The following CA10 variants were observed in gnomAD, a reference collection of about 807,000 sequenced individuals.
The protein encoded by CA10 is carbonic anhydrase 10 (inactive).
A neutral mutation model predicts 44.2 loss-of-function variants in CA10; 14 were observed. The observed-to-expected ratio is 0.32, with a 90% confidence interval of 0.21 to 0.50. The LOEUF (loss-of-function observed/expected upper bound fraction) is 0.50, where lower values mean the gene tolerates loss of function less well. Ranked by LOEUF, CA10 falls within the 20% of genes least tolerant of loss-of-function variation. The probability of loss-of-function intolerance (pLI) is 0.99; values close to 1 mark genes in which losing one functional copy is unlikely to be tolerated. For missense variants in CA10, 350 were observed against 409.7 expected (o/e 0.85, Z 1.26); for synonymous variants, 159 against 141.6 (o/e 1.12, Z -0.87).
chr17:52,115,073 C>G (rs1162477373), intron 1 of CA10, among the ~76,000 whole-genome samples: 1 of 152,164 alleles, frequency 6.6e-6, no homozygotes, highest in East Asian at 1.9e-4. Context: ...CTGGGCATGC[C>G]CACATGCACT....
At chr17:51,735,690 A>G (rs1223424706) in intron 4 of CA10, among the ~76,000 whole-genome samples, 2 of 152,200 alleles carry the variant, frequency 1.3e-5, no homozygotes, top group Non-Finnish European at 2.9e-5. Flanking sequence ...CCCTTAATCC[A>G]TAAAACTACT....
At chr17:51,893,261 C>T (rs745851027) in intron 3 of CA10, among the ~76,000 whole-genome samples, 2 of 152,010 alleles carry the variant, frequency 1.3e-5, no homozygotes, top group Non-Finnish European at 2.9e-5. Flanking sequence ...ATTGTCTGTA[C>T]GGATGTTGGA....
rs573308134 is a variant in CA10, at chr17:51,928,390, C to T, written c.279+2600G>A. ...GAGAAGGAATAACTATTATTCCTTGCTATTCTTGTACTGAGGTTGAATTTT... is the reference window on the plus strand; with the variant it reads ...GAGAAGGAATAACTATTATTCCTTGTTATTCTTGTACTGAGGTTGAATTTT... On this transcript the variant is annotated intron_variant, in intron 3 of 8. Coordinates refer to ENST00000451037, the MANE Select transcript of CA10 (RefSeq NM_020178.5). Among the ~76,000 whole-genome samples, 190 of 152,168 alleles carry T rather than the reference C, an allele frequency of 1.2e-3. 5 individuals carry two copies. In the South Asian group the frequency reaches 0.022, roughly 18 times the overall value.
intron 2 of CA10, among the ~76,000 whole-genome samples, chr17:52,062,773 T>C (rs1015133277): frequency 4.6e-5 from 7 of 152,186 alleles, no homozygotes; most frequent in African/African-American, 1.7e-4. Flanking sequence ...TCAGAGGATG[T>C]ATTGGAAAGC....
intron 2 of CA10, among the ~76,000 whole-genome samples, chr17:52,064,248 C>G (rs578133655): frequency 1.2e-4 from 19 of 152,154 alleles, no homozygotes; most frequent in Non-Finnish European, 2.8e-4. Context: ...GAGAATGCAG[C>G]CAGAATGACA....
chr17:51,799,651 T>G lies in CA10; in HGVS notation c.280-51833A>C, dbSNP rs140425755. On this transcript the variant is annotated intron_variant, in intron 3 of 8. Transcript: ENST00000451037. ...TAAATAATTAGGGCCTTTGATGAAA[T>G]AAGTCTCTTACATGACTAGACTAGG... Among the ~76,000 whole-genome samples, 1,394 of 152,290 alleles carry G rather than the reference T, an allele frequency of 9.2e-3. 12 individuals are homozygous for G. Among genetic ancestry groups the G allele is most frequent in the Non-Finnish European group, 0.015 (1,021 of 68,020 alleles).
chr17:51,631,714 T>G (rs1912589211), intron 8 of CA10, 108 bp from the exon 9 acceptor site: 2 of 946,600 alleles, frequency 2.1e-6, no homozygotes, highest in African/African-American at 3.3e-5. Context: ...GGGAAGGGAC[T>G]GTTTTGTAAA....
rs149140106 is a variant in CA10, at chr17:51,872,079, T to C, written c.279+58911A>G. Among the ~76,000 whole-genome samples the C allele has an allele frequency of 3.5e-4, 54 of 152,312 alleles. No homozygotes were observed. The East Asian group carries it at 7.3e-3, about 21-fold the overall frequency. ...TATTGGTAAAGAAATGGGAAAAGCA[T>C]ACCCAGGTAAGAAACAGCACGTTAA... On this transcript the variant is annotated intron_variant, in intron 3 of 8. Transcript: ENST00000451037.
At chr17:51,674,196 C>T (rs1165010996) in intron 4 of CA10, among the ~76,000 whole-genome samples, 2 of 152,184 alleles carry the variant, frequency 1.3e-5, no homozygotes, top group Non-Finnish European at 2.9e-5. Context: ...GAAATTATTT[C>T]CCCAGGACCT....
At chr17:52,090,895 A>T (rs1370562017) in intron 1 of CA10, among the ~76,000 whole-genome samples, 2 of 152,162 alleles carry the variant, frequency 1.3e-5, no homozygotes, top group Non-Finnish European at 2.9e-5. Context: ...TGGATACCCC[A>T]GGGAAGTTAC....
At chr17:51,885,662 A>T (rs575346902) in intron 3 of CA10, among the ~76,000 whole-genome samples, 2 of 152,314 alleles carry the variant, frequency 1.3e-5, no homozygotes, top group Non-Finnish European at 2.9e-5. Flanking sequence ...TTAGCACATG[A>T]GTGCATTGGT....
chr17:51,744,109 C>G (rs936287365), intron 4 of CA10, among the ~76,000 whole-genome samples: 1 of 151,994 alleles, frequency 6.6e-6, no homozygotes, highest in African/African-American at 2.4e-5. Flanking sequence ...CACTTGAGGT[C>G]AGGAATTCAA....
At chr17:51,825,057 C>G (rs376311895) in intron 3 of CA10, among the ~76,000 whole-genome samples, 36 of 152,298 alleles carry the variant, frequency 2.4e-4, no homozygotes, top group African/African-American at 8.4e-4. Flanking sequence ...AATGAAAGAG[C>G]TGAATCTAGC....
chr17:51,973,263 T>A (rs1984345578), intron 2 of CA10, among the ~76,000 whole-genome samples: 2 of 152,170 alleles, frequency 1.3e-5, no homozygotes, highest in Admixed American at 1.3e-4. Context: ...GAGGGCACAT[T>A]TCGAGTCTTG....
intron 2 of CA10, among the ~76,000 whole-genome samples, chr17:51,940,110 T>A (rs11079987): frequency 0.32 from 48,159 of 151,946 alleles, 7,967 homozygotes; most frequent in East Asian, 0.49. Context: ...ATTTTTTCCC[T>A]GATAAAAAGT....
chr17:51,640,290 C>T (rs1478707922), intron 6 of CA10, among the ~76,000 whole-genome samples: 1 of 152,158 alleles, frequency 6.6e-6, no homozygotes, highest in African/African-American at 2.4e-5. Flanking sequence ...GAAGAGACGA[C>T]ATCATTTATC....
chr17:51,687,886 T>C (rs1179506437), intron 4 of CA10, among the ~76,000 whole-genome samples: 1 of 152,244 alleles, frequency 6.6e-6, no homozygotes, highest in Non-Finnish European at 1.5e-5. Flanking sequence ...GAATACTCCT[T>C]AATGATTCTT....
At chr17:51,941,501 G>A (rs965582387) in intron 2 of CA10, among the ~76,000 whole-genome samples, 2 of 151,936 alleles carry the variant, frequency 1.3e-5, no homozygotes, top group African/African-American at 4.8e-5. Context: ...TAGAAACTGG[G>A]AATTAAAACC....
intron 2 of CA10, among the ~76,000 whole-genome samples, chr17:51,932,905 T>C (rs1982721615): frequency 7.7e-3 from 1 of 130 alleles, no homozygotes; most frequent in Non-Finnish European, 0.021. Flanking sequence ...CTAAACTACT[T>C]TTTTTTAAAA....
Sources: gnomAD v4.1 joint callset for allele counts (sites outside exome capture counted in the v4.1 genomes callset) on GRCh38, gnomAD v4.1.1 for gene constraint, MANE v1.5 for transcripts, NCBI Gene and HGNC (gene_info 2026-07-23, HGNC 2026-07-21) for gene names.